NTNG1: variants seen among roughly 807,000 people sequenced by gnomAD.
NTNG1 encodes the protein netrin G1.
Under a neutral mutation model 54.0 loss-of-function variants are expected in NTNG1, and 16 were observed. The ratio of observed to expected loss-of-function variants is 0.30; its 90% CI spans 0.20 to 0.45. NTNG1 has a LOEUF of 0.45. Among genes scored for constraint, NTNG1 ranks in the 20% least tolerant of loss-of-function variants. NTNG1 has a pLI of 1.00. For synonymous variants in NTNG1, 255 were observed against 263.1 expected (o/e 0.97, Z 0.30); for missense variants, 530 against 678.7 (o/e 0.78, Z 2.43).
chr1:107,270,950 C>T (rs1664105837), intron 2 of NTNG1, among the ~76,000 whole-genome samples: 2 of 152,004 alleles, frequency 1.3e-5, no homozygotes, highest in Admixed American at 1.3e-4. Flanking sequence ...AGGAATTAGA[C>T]TACACATCAA....
intron 3 of NTNG1, among the ~76,000 whole-genome samples, chr1:107,375,906 T>C (rs1374405963): frequency 2.6e-5 from 4 of 152,218 alleles, no homozygotes; most frequent in Non-Finnish European, 5.9e-5. Flanking sequence ...CACCTCATTC[T>C]TTCTGTTTAC....
chr1:107,247,886 G>A (rs1445004895), intron 2 of NTNG1, among the ~76,000 whole-genome samples: 1 of 152,182 alleles, frequency 6.6e-6, no homozygotes, highest in Non-Finnish European at 1.5e-5. Flanking sequence ...TGAAGCCAGT[G>A]CAGTGAAGTC....
At chr1:107,315,326 C>T (rs184862963) in intron 2 of NTNG1, among the ~76,000 whole-genome samples, 93 of 152,268 alleles carry the variant, frequency 6.1e-4, no homozygotes, top group Non-Finnish European at 9.6e-4. Flanking sequence ...ACGGGTTGCT[C>T]TGCTTCTGCT....
At chr1:107,413,475 T>C (rs1195981271) in intron 5 of NTNG1, among the ~76,000 whole-genome samples, 3 of 152,152 alleles carry the variant, frequency 2.0e-5, no homozygotes, top group South Asian at 2.1e-4. Context: ...AAAAAAATGC[T>C]ATTTCCAGAT....
At chr1:107,150,959 G>A (rs1243063114) in intron 2 of NTNG1, among the ~76,000 whole-genome samples, 1 of 152,162 alleles carries the variant, frequency 6.6e-6, no homozygotes, top group Non-Finnish European at 1.5e-5. Flanking sequence ...TGTATACTAT[G>A]TATGTTCACA....
chr1:107,416,314 A>G (rs1674197983), intron 5 of NTNG1, among the ~76,000 whole-genome samples: 1 of 149,962 alleles, frequency 6.7e-6, no homozygotes, highest in Non-Finnish European at 1.5e-5. Flanking sequence ...AAATTATTTG[A>G]AAAAAAAAAG....
intron 7 of NTNG1, among the ~76,000 whole-genome samples, chr1:107,458,002 T>G (rs1677057242): frequency 6.6e-6 from 1 of 152,156 alleles, no homozygotes; most frequent in Admixed American, 6.5e-5. Context: ...AAAGGCTGTT[T>G]CCCATTAAAA....
intron 3 of NTNG1, among the ~76,000 whole-genome samples, chr1:107,392,925 A>G (rs894447416): frequency 1.3e-5 from 2 of 152,196 alleles, no homozygotes; most frequent in Non-Finnish European, 2.9e-5. Flanking sequence ...GATTCAGGTT[A>G]TGAATTGAGT....
rs1243954645 is a variant in NTNG1 at position 107,484,188 on chromosome 1, T to C, written c.*3348T>C. 6.6e-6 allele frequency among the ~76,000 whole-genome samples: 1 copy of C among 151,716 alleles called. No homozygotes were observed. The highest frequency in any genetic ancestry group is 2.4e-5 in the African/African-American group (1 of 41,276). On this transcript the variant is annotated 3_prime_UTR_variant, in exon 8 of 8. Coordinates refer to ENST00000370068, the MANE Select transcript of NTNG1 (RefSeq NM_001113226.3). ...ATGGATTAGGCCCTGGGGCCTGGAG[T>C]GTTCACTGTGGAATTTACACACAAG... is the stretch of plus-strand genomic sequence containing the variant.
rs115803953 is a variant in NTNG1, at chr1:107,358,240, A to G, written c.887+33318A>G. Among the ~76,000 whole-genome samples the G allele has an allele frequency of 5.8e-3, 879 of 152,272 alleles. 6 individuals are homozygous for G. The highest frequency in any genetic ancestry group is 0.02 in the African/African-American group (826 of 41,544). ...AATATTACACTCTGGACTAAGAAAT[A>G]TTAAGTGCTACCTCTACTTGAGTTA... On this transcript the variant is annotated intron_variant, in intron 3 of 7. Coordinates refer to ENST00000370068, the MANE Select transcript of NTNG1 (RefSeq NM_001113226.3).
In NTNG1 at chr1:107,290,965, A is replaced by T. The variant is rs9729523; in HGVS notation, c.247-33317A>T. On this transcript the variant is annotated intron_variant, in intron 2 of 7. Coordinates refer to ENST00000370068, the MANE Select transcript of NTNG1 (RefSeq NM_001113226.3). ...ATTTTAAAGTGCATATATATATATT[A>T]TATATATATATATATATATACACAC... 4.1e-3 allele frequency among the ~76,000 whole-genome samples: 353 copies of T among 85,192 alleles called. 3 individuals carry two copies. Among genetic ancestry groups the T allele is most frequent in the African/African-American group, 0.018 (313 of 17,854 alleles). The allele number at this position is 85,192 out of a possible 152,430, so 55.9% of individuals were successfully genotyped here.
intron 2 of NTNG1, among the ~76,000 whole-genome samples, chr1:107,324,042 G>A (rs1667803601): frequency 6.6e-6 from 1 of 151,850 alleles, no homozygotes; most frequent in African/African-American, 2.4e-5. Context: ...ACACATATGG[G>A]ATAAATAAAC....
rs141934558 is a variant in NTNG1 at position 107,466,752 on chromosome 1, C to T, written c.1391-13859C>T. Among the ~76,000 whole-genome samples the T allele has an allele frequency of 1.6e-3, 251 of 152,310 alleles. 1 individual carries two copies. Among genetic ancestry groups the T allele is most frequent in the African/African-American group, 5.9e-3 (244 of 41,574 alleles). ...CCAAACCAATTCATAAATTTTTTCT[C>T]TCTGCTGCTGGATCTGAAAGTCCCT... On this transcript the variant is annotated intron_variant, in intron 7 of 7. Transcript: ENST00000370068.
intron 2 of NTNG1, among the ~76,000 whole-genome samples, chr1:107,243,505 T>C (rs1661979061): frequency 6.6e-6 from 1 of 152,252 alleles, no homozygotes; most frequent in Non-Finnish European, 1.5e-5. Flanking sequence ...ACACATAGAA[T>C]ATATTTCAAT....
At chr1:107,463,371 G>T (rs1469943953) in intron 7 of NTNG1, among the ~76,000 whole-genome samples, 1 of 151,908 alleles carries the variant, frequency 6.6e-6, no homozygotes, top group Non-Finnish European at 1.5e-5. Flanking sequence ...CGTTAACATT[G>T]TAAACTCAAT....
rs746432765 is a variant in NTNG1, at chr1:107,481,010, C to T, written c.*170C>T. 8.6e-6 allele frequency: 5 copies of T among 580,090 alleles called. No homozygotes were observed. Among genetic ancestry groups the T allele is most frequent in the Admixed American group, 3.0e-5 (1 of 33,340 alleles). 35.9% of individuals were successfully genotyped at this position (580,090 alleles called of 1,614,324 possible). A position where few individuals can be genotyped will look rare whatever the true frequency, so the allele number is the denominator to read the frequency against. ...CCATATTTATCACCCGTGGACAGCA[C>T]ATCCGAGTCAAGACTGTTAATTTCT... On this transcript the variant is annotated 3_prime_UTR_variant, in exon 8 of 8. Transcript: ENST00000370068.
intron 2 of NTNG1, among the ~76,000 whole-genome samples, chr1:107,263,051 C>G (rs1287955179): frequency 6.6e-6 from 1 of 152,110 alleles, no homozygotes; most frequent in Non-Finnish European, 1.5e-5. Flanking sequence ...ACTGTGCAAA[C>G]AATTCTGATA....
chr1:107,413,451 A>T (rs540972584), intron 5 of NTNG1, among the ~76,000 whole-genome samples: 24 of 151,904 alleles, frequency 1.6e-4, no homozygotes, highest in African/African-American at 3.4e-4. Flanking sequence ...TGCTTAAAAA[A>T]TTTTTTTCAA....
At chr1:107,159,034 A>G (rs1655212037) in intron 2 of NTNG1, among the ~76,000 whole-genome samples, 1 of 152,156 alleles carries the variant, frequency 6.6e-6, no homozygotes, top group South Asian at 2.1e-4. Context: ...TTTGTGGGTC[A>G]GAGTAGACTG....
Sources: gnomAD v4.1 joint callset for allele counts (sites outside exome capture counted in the v4.1 genomes callset) on GRCh38, gnomAD v4.1.1 for gene constraint, MANE v1.5 for transcripts, NCBI Gene and HGNC (gene_info 2026-07-23, HGNC 2026-07-21) for gene names.